Variants in LTBP1 observed in about 807,000 individuals in gnomAD.
LTBP1 encodes the protein latent-transforming growth factor beta-binding protein 1.
In LTBP1, 129 loss-of-function variants were observed where a neutral mutation model predicts 207.6. The observed-to-expected ratio is 0.62, with a 90% CI of 0.54 to 0.72. The LOEUF (loss-of-function observed/expected upper bound fraction) is 0.72. LTBP1 is among the 30% of genes least tolerant of loss of function. The pLI, the probability that LTBP1 is intolerant of heterozygous loss-of-function variation, is 0.00. For missense variants in LTBP1, 2,281 were observed against 2,217.2 expected, an observed-to-expected ratio of 1.03 and a Z score of -0.58; for synonymous variants, 963 against 833.7, an observed-to-expected ratio of 1.16 and a Z score of -2.67.
intron 15 of LTBP1, among the ~76,000 whole-genome samples, chr2:33,271,546 C>G (rs973656310): frequency 4.6e-5 from 7 of 152,056 alleles, no homozygotes; most frequent in African/African-American, 1.7e-4. Flanking sequence ...TGAAGATTAC[C>G]TTTTACCTTC....
Position 33,301,634 on chromosome 2 carries a change from C to A in LTBP1, c.3471C>A (p.Asp1157Glu), listed in dbSNP as rs759315563. 6.3e-7 allele frequency: 1 copy of A among 1,597,056 alleles called. No homozygotes were observed. Among genetic ancestry groups the A allele is most frequent in the Non-Finnish European group, 8.5e-7 (1 of 1,174,360 alleles). The change falls in exon 22 of 34, where the codon GAC (aspartate) becomes GAA (glutamate). Residue 1157 changes from aspartate to glutamate, a missense_variant. Coordinates refer to ENST00000404816, the MANE Select transcript of LTBP1 (RefSeq NM_206943.4). The part of the protein sequence containing the change: ...DQGYRASGLG[D>E]HCEDINECLE... ...GTTACAGAGCATCTGGGCTTGGAGA[C>A]CACTGTGAAGGTAAGAATTGCTCCT...
chr2:33,315,504 T>A (rs2094256036), intron 24 of LTBP1, among the ~76,000 whole-genome samples: 1 of 152,184 alleles, frequency 6.6e-6, no homozygotes, highest in Admixed American at 6.5e-5. Context: ...CCACGACTGG[T>A]ACTGAATTAA....
chr2:33,140,127 C>T (rs913243059), intron 5 of LTBP1, among the ~76,000 whole-genome samples: 4 of 152,126 alleles, frequency 2.6e-5, no homozygotes, highest in African/African-American at 9.7e-5. Context: ...CTGAAAATCG[C>T]CTTGGAGATT....
chr2:33,012,629 T>C (rs551339921), intron 2 of LTBP1, among the ~76,000 whole-genome samples: 97 of 152,342 alleles, frequency 6.4e-4, no homozygotes, highest in African/African-American at 2.2e-3. Context: ...AAGAAATTTG[T>C]CTCCATCTTT....
chr2:33,220,528 A>G (rs1190629704), intron 8 of LTBP1, among the ~76,000 whole-genome samples: 1 of 152,246 alleles, frequency 6.6e-6, no homozygotes, highest in African/African-American at 2.4e-5. Flanking sequence ...CCTAGCATGA[A>G]CAAGTCACTT....
intron 2 of LTBP1, among the ~76,000 whole-genome samples, chr2:32,995,650 G>A (rs540113580): frequency 1.1e-3 from 172 of 152,192 alleles, no homozygotes; most frequent in Middle Eastern, 3.4e-3. Context: ...TTAGCCGGGC[G>A]TGGTGGCGGG....
chr2:32,969,406 T>C (rs947102162), intron 2 of LTBP1, among the ~76,000 whole-genome samples: 1 of 152,128 alleles, frequency 6.6e-6, no homozygotes. Flanking sequence ...TAATAGGTAG[T>C]TTTTTGATCC....
At chr2:33,322,560 G>A (rs2094371478) in intron 24 of LTBP1, among the ~76,000 whole-genome samples, 2 of 152,198 alleles carry the variant, frequency 1.3e-5, no homozygotes, top group Non-Finnish European at 2.9e-5. Context: ...TATTAAAACA[G>A]TAGCAAGAAT....
chr2:33,302,629 C>T (rs759308150), intron 22 of LTBP1, among the ~76,000 whole-genome samples: 2 of 152,110 alleles, frequency 1.3e-5, no homozygotes, highest in African/African-American at 2.4e-5. Flanking sequence ...ACCCAACCCT[C>T]GGGAAGGCAA....
chr2:33,085,343 C>T (rs1276288708), intron 3 of LTBP1, among the ~76,000 whole-genome samples: 1 of 152,196 alleles, frequency 6.6e-6, no homozygotes, highest in Non-Finnish European at 1.5e-5. Flanking sequence ...AAACTCTGAT[C>T]TAATGAACAT....
At chr2:33,129,394 C>T (rs544387915) in intron 4 of LTBP1, among the ~76,000 whole-genome samples, 7 of 152,274 alleles carry the variant, frequency 4.6e-5, no homozygotes, top group African/African-American at 1.7e-4. Context: ...AGGGCACACA[C>T]CTCAGTTCTA....
At chr2:33,346,688 A>C (rs1294242501) in intron 25 of LTBP1, among the ~76,000 whole-genome samples, 1 of 151,936 alleles carries the variant, frequency 6.6e-6, no homozygotes, top group Non-Finnish European at 1.5e-5. Context: ...CCGTCTCAAA[A>C]AAAAAAAAGA....
intron 5 of LTBP1, among the ~76,000 whole-genome samples, chr2:33,143,305 G>A (rs946186982): frequency 1.3e-5 from 2 of 152,150 alleles, no homozygotes; most frequent in African/African-American, 2.4e-5. Flanking sequence ...ACAAAGACTT[G>A]TCCACTCCAT....
intron 3 of LTBP1, among the ~76,000 whole-genome samples, chr2:33,023,079 G>A (rs997799346): frequency 2.0e-5 from 3 of 151,948 alleles, no homozygotes; most frequent in Non-Finnish European, 2.9e-5. Context: ...TCCTTGGAAC[G>A]GTATAAAGCT....
intron 7 of LTBP1, among the ~76,000 whole-genome samples, chr2:33,195,448 G>A (rs748586339): frequency 6.6e-6 from 1 of 152,138 alleles, no homozygotes; most frequent in Non-Finnish European, 1.5e-5. Flanking sequence ...ATGACTTTGA[G>A]GGGTACAAAA....
intron 3 of LTBP1, among the ~76,000 whole-genome samples, chr2:33,044,615 T>C (rs997972108): frequency 6.6e-6 from 1 of 152,264 alleles, no homozygotes; most frequent in African/African-American, 2.4e-5. Context: ...TATAATCCTT[T>C]GGGTATATAC....
rs2075744643 is a variant in LTBP1 at position 33,032,672 on chromosome 2, C to T, written c.863+11466C>T. ...ATTTAAAATAATATAAAATAAGTAA[C>T]AGTATGACACAAAAATTGCATATGT... On this transcript the variant is annotated intron_variant, in intron 3 of 33. Transcript: ENST00000404816. Among the ~76,000 whole-genome samples the T allele has an allele frequency of 3.3e-5, 5 of 152,152 alleles. No homozygotes were observed. The South Asian group carries it at 1.0e-3, about 32-fold the overall frequency.
intron 3 of LTBP1, among the ~76,000 whole-genome samples, chr2:33,022,304 A>G (rs1361213138): frequency 2.0e-5 from 2 of 100,506 alleles, no homozygotes; most frequent in Non-Finnish European, 4.2e-5. Context: ...ATTATTCTCT[A>G]ATTTCTTCTT....
chr2:33,077,232 G>A (rs1375987671), intron 3 of LTBP1, among the ~76,000 whole-genome samples: 1 of 152,136 alleles, frequency 6.6e-6, no homozygotes, highest in African/African-American at 2.4e-5. Flanking sequence ...TTATTTCCTT[G>A]AGTCCAGCTA....
Sources: gnomAD v4.1 joint callset for allele counts (sites outside exome capture counted in the v4.1 genomes callset) on GRCh38, gnomAD v4.1.1 for gene constraint, MANE v1.5 for transcripts, NCBI Gene and HGNC (gene_info 2026-07-23, HGNC 2026-07-21) for gene names.